Variants in PDILT observed in about 807,000 individuals in gnomAD.
The protein encoded by PDILT is protein disulfide isomerase like, testis expressed, also known as protein disulfide-isomerase-like protein of the testis.
In PDILT, 43 loss-of-function variants were observed where a neutral mutation model predicts 53.7. That is an observed-to-expected ratio of 0.80 (90% CI 0.63 to 1.03). PDILT has a LOEUF of 1.03. Among genes scored for constraint, PDILT ranks in the 50% least tolerant of loss-of-function variants. The pLI is 0.00. For missense variants in PDILT, 727 were observed against 712.3 expected, an observed-to-expected ratio of 1.02 and a Z score of -0.24; for synonymous variants, 282 against 274.2, an observed-to-expected ratio of 1.03 and a Z score of -0.28.
At chr16:20,386,498 T>C (rs1257149983) in intron 2 of PDILT, among the ~76,000 whole-genome samples, 1 of 152,144 alleles carries the variant, frequency 6.6e-6, no homozygotes, top group African/African-American at 2.4e-5. Context: ...AGAGAGGTCT[T>C]TTGTAAAGTG....
chr16:20,404,371 C>T (rs1261013631), intron 1 of PDILT, 125 bp downstream of exon 1: 7 of 152,152 alleles, frequency 4.6e-5, no homozygotes, highest in African/African-American at 9.7e-5. Flanking sequence ...CAAGTTGATC[C>T]TAATGTGTAG....
At chr16:20,386,016 T>C (rs1966531941) in intron 2 of PDILT, 1 of 151,936 alleles carries the variant, frequency 6.6e-6, no homozygotes. Context: ...CTTTCGCAGG[T>C]AAGGAAAACC....
intron 3 of PDILT, 85 bp downstream of exon 3, chr16:20,384,560 G>A (rs1281644684): frequency 2.6e-6 from 4 of 1,529,104 alleles, no homozygotes; most frequent in Non-Finnish European, 3.6e-6. Context: ...AAGCTGCATG[G>A]AGCAGAGCCT....
chr16:20,393,852 G>A (rs973796626), intron 2 of PDILT, among the ~76,000 whole-genome samples: 4 of 152,198 alleles, frequency 2.6e-5, no homozygotes, highest in African/African-American at 9.7e-5. Context: ...TTGTCACCTT[G>A]CAGGACTGTG....
chr16:20,379,610 C>A (rs911086219), intron 3 of PDILT, among the ~76,000 whole-genome samples: 1 of 152,188 alleles, frequency 6.6e-6, no homozygotes, highest in Non-Finnish European at 1.5e-5. Flanking sequence ...TCACCATGCC[C>A]GGCTGGGGCT....
At chr16:20,397,319 T>C (rs1464142660) in intron 2 of PDILT, among the ~76,000 whole-genome samples, 1 of 152,050 alleles carries the variant, frequency 6.6e-6, no homozygotes. Flanking sequence ...TATTTTTCTT[T>C]TTGGTAAAGA....
intron 3 of PDILT, among the ~76,000 whole-genome samples, chr16:20,378,867 T>C (rs1333695280): frequency 1.3e-5 from 2 of 152,226 alleles, no homozygotes; most frequent in African/African-American, 4.8e-5. Flanking sequence ...CTGAACTTCA[T>C]ATAAATGTTC....
rs147887176 is a variant in PDILT at position 20,365,480 on chromosome 16, C to T, written c.1177G>A (p.Val393Met). ...YWDQGLVKQL[V>M]GKNFNVVVFD... Reference sequence around the variant, plus strand: ...ACGACTACGTTGAAGTTCTTCCCCACGAGCTGCTTAACCAGTCCCTGGTCC... The same window carrying T: ...ACGACTACGTTGAAGTTCTTCCCCATGAGCTGCTTAACCAGTCCCTGGTCC... Residue 393 changes from valine to methionine, a missense_variant, in exon 9 of 12, where the codon GTG becomes ATG. Physicochemically the swap from Val to Met is conservative, Grantham distance 21. Coordinates refer to ENST00000302451, the MANE Select transcript of PDILT (RefSeq NM_174924.2). The T allele has an allele frequency of 1.4e-5, 22 of 1,613,956 alleles. No homozygotes were observed. The highest frequency in any genetic ancestry group is 3.3e-5 in the South Asian group (3 of 91,076).
At chr16:20,379,252 G>A (rs569316302) in intron 3 of PDILT, among the ~76,000 whole-genome samples, 11 of 151,812 alleles carry the variant, frequency 7.2e-5, no homozygotes, top group African/African-American at 1.9e-4. Flanking sequence ...TTGGCTCACC[G>A]TACCTCTGCC....
intron 2 of PDILT, among the ~76,000 whole-genome samples, chr16:20,395,313 T>C (rs973841737): frequency 3.3e-5 from 5 of 152,184 alleles, no homozygotes; most frequent in African/African-American, 1.2e-4. Flanking sequence ...ACCAAAGTGA[T>C]TGGGTGCAGC....
intron 9 of PDILT, among the ~76,000 whole-genome samples, chr16:20,363,420 G>A (rs149694876): frequency 5.3e-5 from 8 of 151,976 alleles, no homozygotes; most frequent in South Asian, 4.2e-4. Flanking sequence ...CAATATTTAC[G>A]CTAGATGACT....
At chr16:20,395,472 T>G (rs1489968728) in intron 2 of PDILT, among the ~76,000 whole-genome samples, 4 of 152,198 alleles carry the variant, frequency 2.6e-5, no homozygotes, top group Non-Finnish European at 4.4e-5. Flanking sequence ...AGTTTTAATG[T>G]GTCAAGGATG....
intron 3 of PDILT, 138 bp downstream of exon 3, chr16:20,384,507 G>T: frequency 9.7e-7 from 1 of 1,028,760 alleles, no homozygotes; most frequent in Non-Finnish European, 1.4e-6. Context: ...CAAGGCCCTA[G>T]AGAAGGGCAG....
At chr16:20,377,351 C>T (rs1966401683) in intron 3 of PDILT, among the ~76,000 whole-genome samples, 2 of 152,180 alleles carry the variant, frequency 1.3e-5, no homozygotes, top group Non-Finnish European at 2.9e-5. Flanking sequence ...GACTGTTATT[C>T]ATTTACGCAC....
At position 20,359,553 on chromosome 16, in the gene PDILT, C is replaced by A; in HGVS notation, c.1521G>T (p.Glu507Asp). Residue 507 changes from glutamate to aspartate, a missense_variant, in exon 12 of 12, where the codon GAG becomes GAT. Coordinates refer to ENST00000302451, the MANE Select transcript of PDILT (RefSeq NM_174924.2). ...IEDEDELLSV[E>D]QNEVIEEEVL... Reference sequence around the variant, plus strand: ...CTTCCTCTTCTATCACTTCATTTTGCTCAACAGACAACAGCTATGAAAGCA... The same window carrying A: ...CTTCCTCTTCTATCACTTCATTTTGATCAACAGACAACAGCTATGAAAGCA... 6.2e-7 allele frequency: 1 copy of A among 1,613,936 alleles called. No individual in the cohort carries two copies. The highest frequency in any genetic ancestry group is 1.1e-5 in the South Asian group (1 of 91,054).
At chr16:20,401,404 A>C (rs1325207341) in intron 1 of PDILT, among the ~76,000 whole-genome samples, 1 of 152,238 alleles carries the variant, frequency 6.6e-6, no homozygotes, top group Non-Finnish European at 1.5e-5. Flanking sequence ...ACATCAAAGT[A>C]CTAGAGAGTT....
At chr16:20,373,356 G>T (rs1478024338) in intron 5 of PDILT, among the ~76,000 whole-genome samples, 1 of 152,152 alleles carries the variant, frequency 6.6e-6, no homozygotes, top group Non-Finnish European at 1.5e-5. Flanking sequence ...CAGGCCACAA[G>T]GAGTGTAATT....
intron 2 of PDILT, among the ~76,000 whole-genome samples, chr16:20,395,564 CAT>C (rs1966652313): frequency 1.3e-5 from 2 of 152,188 alleles, no homozygotes; most frequent in African/African-American, 2.4e-5. Flanking sequence ...TCCCACCTCA[CAT>C]AGTGTGTGAG....
intron 7 of PDILT, among the ~76,000 whole-genome samples, chr16:20,370,729 A>T (rs1000185965): frequency 2.0e-5 from 3 of 152,194 alleles, no homozygotes; most frequent in Non-Finnish European, 4.4e-5. Flanking sequence ...TCGGCACAAG[A>T]TACAGGTCAT....
Sources: gnomAD v4.1 joint callset for allele counts (sites outside exome capture counted in the v4.1 genomes callset) on GRCh38, gnomAD v4.1.1 for gene constraint, MANE v1.5 for transcripts, NCBI Gene and HGNC (gene_info 2026-07-23, HGNC 2026-07-21) for gene names.